AKT3: variants seen among roughly 807,000 people sequenced by gnomAD.
The protein encoded by AKT3 is AKT serine/threonine kinase 3.
Under a neutral mutation model 65.3 loss-of-function variants are expected in AKT3, and 15 were observed. The ratio of observed to expected loss-of-function variants is 0.23; its 90% CI spans 0.15 to 0.35. The LOEUF (loss-of-function observed/expected upper bound fraction) is 0.35, where lower values mean the gene tolerates loss of function less well. Among genes scored for constraint, AKT3 ranks in the 10% least tolerant of loss-of-function variants. The probability of loss-of-function intolerance (pLI) is 1.00; values close to 1 mark genes in which losing one functional copy is unlikely to be tolerated. For missense variants in AKT3, 243 were observed against 576.5 expected, an observed-to-expected ratio of 0.42 and a Z score of 5.92; for synonymous variants, 206 against 183.8, an observed-to-expected ratio of 1.12 and a Z score of -0.98.
intron 8 of AKT3, among the ~76,000 whole-genome samples, chr1:243,580,542 G>A (rs1423163060): frequency 1.3e-5 from 2 of 152,166 alleles, no homozygotes; most frequent in African/African-American, 4.8e-5. Flanking sequence ...CAAAACACCT[G>A]CTCTGGAATG....
chr1:243,777,551 T>C (rs1019224071), intron 2 of AKT3, among the ~76,000 whole-genome samples: 1 of 152,214 alleles, frequency 6.6e-6, no homozygotes, highest in African/African-American at 2.4e-5. Context: ...GGAAGTAACA[T>C]ATAAGTTGTC....
chr1:243,499,008 A>G (rs2148327524), downstream of AKT3, among the ~76,000 whole-genome samples: 1 of 152,350 alleles, frequency 6.6e-6, no homozygotes, highest in South Asian at 2.1e-4. Flanking sequence ...TAGAAACTCC[A>G]GACATGCTTT....
chr1:243,684,815 A>G (rs745963497), intron 3 of AKT3, among the ~76,000 whole-genome samples: 19 of 152,184 alleles, frequency 1.2e-4, no homozygotes, highest in African/African-American at 4.6e-4. Flanking sequence ...CCTCTTCAGC[A>G]TCTGTTGTTT....
intron 2 of AKT3, among the ~76,000 whole-genome samples, chr1:243,811,261 A>G (rs896258982): frequency 9.2e-5 from 14 of 152,220 alleles, no homozygotes; most frequent in Non-Finnish European, 1.5e-4. Flanking sequence ...ACATGATTGT[A>G]TATCTAGAAA....
intron 2 of AKT3, among the ~76,000 whole-genome samples, chr1:243,743,079 G>C (rs1226458204): frequency 6.6e-6 from 1 of 152,112 alleles, no homozygotes; most frequent in Non-Finnish European, 1.5e-5. Flanking sequence ...TAGTCACATA[G>C]ATCCAAAGGA....
intron 3 of AKT3, among the ~76,000 whole-genome samples, chr1:243,690,221 G>A (rs974826101): frequency 6.6e-6 from 1 of 151,894 alleles, no homozygotes; most frequent in African/African-American, 2.4e-5. Context: ...CAAGACATAG[G>A]GGCAAATGCA....
chr1:243,603,563 T>C (rs1315973529), intron 8 of AKT3, among the ~76,000 whole-genome samples: 1 of 152,192 alleles, frequency 6.6e-6, no homozygotes, highest in Non-Finnish European at 1.5e-5. Flanking sequence ...GCCACTGATG[T>C]TCTAACTGTA....
chr1:243,652,981 G>A (rs957483412), intron 4 of AKT3, among the ~76,000 whole-genome samples: 1 of 151,706 alleles, frequency 6.6e-6, no homozygotes, highest in Non-Finnish European at 1.5e-5. Context: ...GACCTACAAA[G>A]AGACTTAGAC....
At chr1:243,778,543 T>C (rs907236241) in intron 2 of AKT3, among the ~76,000 whole-genome samples, 5 of 152,192 alleles carry the variant, frequency 3.3e-5, no homozygotes, top group Admixed American at 3.3e-4. Flanking sequence ...TATCATCCTA[T>C]AGAGACAGAC....
chr1:243,782,762 C>T lies in AKT3; in HGVS notation c.46+60363G>A, dbSNP rs189443196. Among the ~76,000 whole-genome samples the T allele has an allele frequency of 2.2e-3, 333 of 152,246 alleles. 1 individual carries two copies. In the Middle Eastern group the frequency reaches 0.024, roughly 11 times the overall value. On this transcript the variant is annotated intron_variant, in intron 2 of 13. Transcript: ENST00000673466. ...GATTAGATTCCTTTAACACCATACA[C>T]AATACACGTATGGGCACTCACGCAT...
At chr1:243,636,107 T>C (rs958444168) in intron 6 of AKT3, among the ~76,000 whole-genome samples, 3 of 151,958 alleles carry the variant, frequency 2.0e-5, no homozygotes, top group African/African-American at 4.8e-5. Flanking sequence ...CAAGTGAGGC[T>C]AATATATAAA....
intron 6 of AKT3, among the ~76,000 whole-genome samples, chr1:243,623,741 A>G (rs991032764): frequency 3.9e-5 from 6 of 152,158 alleles, no homozygotes; most frequent in Admixed American, 3.3e-4. Context: ...GAGATACGTT[A>G]CCAGCATCCC....
At chr1:243,543,805 A>C (rs1672473713) in intron 12 of AKT3, among the ~76,000 whole-genome samples, 1 of 152,222 alleles carries the variant, frequency 6.6e-6, no homozygotes, top group Admixed American at 6.5e-5. Context: ...CTTTATACAT[A>C]GTAGAAACTC....
intron 10 of AKT3, among the ~76,000 whole-genome samples, chr1:243,559,620 G>GT (rs766911950): frequency 7.9e-5 from 12 of 152,066 alleles, no homozygotes. Context: ...TCTTTGTGAA[G>GT]TATCTTCAAA....
intron 8 of AKT3, among the ~76,000 whole-genome samples, chr1:243,575,397 T>C (rs1396434548): frequency 1.3e-5 from 2 of 152,190 alleles, no homozygotes; most frequent in Non-Finnish European, 2.9e-5. Flanking sequence ...ACAGAATCTC[T>C]TATGATTCCA....
At chr1:243,642,553 C>G (rs562847394) in intron 5 of AKT3, among the ~76,000 whole-genome samples, 3 of 152,198 alleles carry the variant, frequency 2.0e-5, no homozygotes, top group African/African-American at 7.2e-5. Context: ...TTGTGATCCG[C>G]CCACCTTGGC....
intron 3 of AKT3, among the ~76,000 whole-genome samples, chr1:243,691,321 T>A (rs1249215091): frequency 6.6e-6 from 1 of 152,114 alleles, no homozygotes; most frequent in East Asian, 1.9e-4. Flanking sequence ...ATTGAAGAGA[T>A]CTATGATGTA....
At chr1:243,611,735 G>A (rs962656106) in intron 8 of AKT3, among the ~76,000 whole-genome samples, 6 of 151,008 alleles carry the variant, frequency 4.0e-5, no homozygotes, top group African/African-American at 7.3e-5. Flanking sequence ...CATTTTCTTC[G>A]TATTTTCTCA....
chr1:243,490,929 C>T (rs1451520186), intron 13 of AKT3, among the ~76,000 whole-genome samples: 1 of 152,234 alleles, frequency 6.6e-6, no homozygotes, highest in Admixed American at 6.5e-5. Context: ...AAGATCAGGA[C>T]CACTGGAGCC....
Sources: gnomAD v4.1 joint callset for allele counts (sites outside exome capture counted in the v4.1 genomes callset) on GRCh38, gnomAD v4.1.1 for gene constraint, MANE v1.5 for transcripts, NCBI Gene and HGNC (gene_info 2026-07-23, HGNC 2026-07-21) for gene names.